The following ZDHHC21 variants were observed in gnomAD, a reference collection of about 807,000 sequenced individuals.
ZDHHC21 encodes the protein palmitoyltransferase ZDHHC21.
Under a neutral mutation model 34.6 loss-of-function variants are expected in ZDHHC21, and 15 were observed. That is an observed-to-expected ratio of 0.43 (90% CI 0.29 to 0.67). The LOEUF is 0.67. ZDHHC21 is among the 30% of genes least tolerant of loss of function. The pLI is 0.14. For missense variants in ZDHHC21, 344 were observed against 327.7 expected, an observed-to-expected ratio of 1.05 and a Z score of -0.38; for synonymous variants, 142 against 101.8, an observed-to-expected ratio of 1.40 and a Z score of -2.38.
At chr9:14,654,288 T>A (rs1831786482) in intron 7 of ZDHHC21, among the ~76,000 whole-genome samples, 1 of 152,054 alleles carries the variant, frequency 6.6e-6, no homozygotes, top group Admixed American at 6.6e-5. Flanking sequence ...ATAAATAGCA[T>A]CTTTCCAAAA....
chr9:14,664,438 G>A (rs1426466629), intron 5 of ZDHHC21, among the ~76,000 whole-genome samples: 3 of 150,944 alleles, frequency 2.0e-5, no homozygotes, highest in South Asian at 2.1e-4. Context: ...GGGGAGGGGC[G>A]CCCGCCATTG....
chr9:14,650,933 A>T (rs1269443144), intron 7 of ZDHHC21, among the ~76,000 whole-genome samples: 1 of 151,934 alleles, frequency 6.6e-6, no homozygotes, highest in Non-Finnish European at 1.5e-5. Flanking sequence ...TTTCCCCTTC[A>T]CATAAAAATA....
Position 14,619,687 on chromosome 9 carries a change from T to A in ZDHHC21, c.622-5A>T. 1 of 1,344,158 alleles carries A rather than the reference T, an allele frequency of 7.4e-7. No individual in the cohort carries two copies. Among genetic ancestry groups the A allele is most frequent in the South Asian group, 1.3e-5 (1 of 79,166 alleles). The allele number at this position is 1,344,158 out of a possible 1,614,324, so 83.3% of individuals were successfully genotyped here. ...CTTTTCAATAGATGTTGTATCCTAT[T>A]AAAAATAAAAAATTATATTCAGATG... On this transcript the variant is annotated splice_region_variant and splice_polypyrimidine_tract_variant and intron_variant, in intron 8 of 9. Coordinates refer to ENST00000380916, the MANE Select transcript of ZDHHC21 (RefSeq NM_178566.6).
At chr9:14,677,284 ATTTT>A (rs1836589282) in intron 3 of ZDHHC21, 1 of 146,726 alleles carries the variant, frequency 6.8e-6, no homozygotes, top group African/African-American at 2.5e-5. Context: ...TGTTGAATAT[ATTTT>A]TTTTAATACC....
intron 7 of ZDHHC21, among the ~76,000 whole-genome samples, chr9:14,654,980 A>G (rs544326762): frequency 6.6e-6 from 1 of 152,164 alleles, no homozygotes; most frequent in South Asian, 2.1e-4. Context: ...CAACTTAAGA[A>G]TGACATCAGG....
intron 4 of ZDHHC21, among the ~76,000 whole-genome samples, chr9:14,673,149 T>C (rs566531383): frequency 6.6e-6 from 1 of 152,172 alleles, no homozygotes; most frequent in African/African-American, 2.4e-5. Flanking sequence ...TTAATTATTA[T>C]TTTACATGAT....
chr9:14,605,456 C>T, the ZDHHC21 span, among the ~76,000 whole-genome samples: 3 of 152,120 alleles, frequency 2.0e-5, no homozygotes, highest in Non-Finnish European at 4.4e-5. Flanking sequence ...CATCCCTTCA[C>T]GTACCTGTTG....
intron 7 of ZDHHC21, among the ~76,000 whole-genome samples, chr9:14,643,939 T>A (rs1829837277): frequency 6.6e-6 from 1 of 152,202 alleles, no homozygotes; most frequent in Non-Finnish European, 1.5e-5. Flanking sequence ...GGCCATGTCA[T>A]CCCATCTTAC....
chr9:14,674,071 G>A (rs898029359), intron 4 of ZDHHC21, 116 bp downstream of exon 4: 2 of 552,902 alleles, frequency 3.6e-6, no homozygotes, highest in Non-Finnish European at 5.8e-6. Flanking sequence ...AATATTGACA[G>A]CACTGCTAAA....
chr9:14,691,615 G>T (rs968661992), intron 1 of ZDHHC21, among the ~76,000 whole-genome samples: 1 of 152,096 alleles, frequency 6.6e-6, no homozygotes, highest in African/African-American at 2.4e-5. Flanking sequence ...GTACCTCGTA[G>T]GCAAAAGTGA....
At chr9:14,595,432 C>T in the ZDHHC21 span, among the ~76,000 whole-genome samples, 1 of 152,086 alleles carries the variant, frequency 6.6e-6, no homozygotes, top group Non-Finnish European at 1.5e-5. Context: ...ATGTATGATT[C>T]CATTTATAGT....
intron 8 of ZDHHC21, among the ~76,000 whole-genome samples, chr9:14,624,005 C>G (rs116566354): frequency 0.012 from 1,831 of 152,206 alleles, 40 homozygotes; most frequent in African/African-American, 0.041. Flanking sequence ...CCAGCAATCA[C>G]AGCACTGGGT....
chr9:14,593,828 C>G, the ZDHHC21 span: 1 of 152,524 alleles, frequency 6.6e-6, no homozygotes, highest in Admixed American at 6.5e-5. Context: ...TGGCGGTGCC[C>G]CAGGGTGAAG....
intron 7 of ZDHHC21, among the ~76,000 whole-genome samples, chr9:14,644,251 C>G (rs970423779): frequency 4.6e-5 from 7 of 152,076 alleles, no homozygotes; most frequent in African/African-American, 7.2e-5. Context: ...ATTTTTTATA[C>G]TTTCTTAAAA....
At chr9:14,658,282 G>A (rs1293936356) in intron 7 of ZDHHC21, among the ~76,000 whole-genome samples, 1 of 151,986 alleles carries the variant, frequency 6.6e-6, no homozygotes, top group Non-Finnish European at 1.5e-5. Context: ...AAAAGGAAAT[G>A]TCAGACTAGG....
intron 2 of ZDHHC21, among the ~76,000 whole-genome samples, chr9:14,685,758 T>A (rs1194167958): frequency 6.6e-6 from 1 of 152,200 alleles, no homozygotes; most frequent in African/African-American, 2.4e-5. Flanking sequence ...TGCGCACGTA[T>A]GTGTATTGCA....
At chr9:14,672,786 G>A in intron 5 of ZDHHC21, 44 bp downstream of exon 5, 1 of 1,314,002 alleles carries the variant, frequency 7.6e-7, no homozygotes, top group Non-Finnish European at 1.1e-6. Context: ...AATAAAGACA[G>A]TAATTCTGGC....
intron 8 of ZDHHC21, among the ~76,000 whole-genome samples, chr9:14,626,417 T>G (rs1826211467): frequency 6.6e-6 from 1 of 151,968 alleles, no homozygotes; most frequent in South Asian, 2.1e-4. Flanking sequence ...TACGAACACT[T>G]TTTAAGCATC....
At chr9:14,598,484 GA>G in the ZDHHC21 span, among the ~76,000 whole-genome samples, 1 of 152,020 alleles carries the variant, frequency 6.6e-6, no homozygotes, top group African/African-American at 2.4e-5. Flanking sequence ...CCATAAAAAG[GA>G]AAAAGCAACT....
Sources: allele counts gnomAD v4.1 joint callset (sites outside exome capture counted in the v4.1 genomes callset), GRCh38; gene constraint gnomAD v4.1.1; transcripts MANE v1.5; gene names NCBI Gene and HGNC (gene_info 2026-07-23, HGNC 2026-07-21).